Variants in PIP4K2A observed in about 807,000 individuals in gnomAD.
PIP4K2A encodes phosphatidylinositol-5-phosphate 4-kinase type 2 alpha, also known as phosphatidylinositol 5-phosphate 4-kinase type-2 alpha.
A neutral mutation model predicts 42.9 loss-of-function variants in PIP4K2A; 14 were observed. That is an observed-to-expected ratio of 0.33 (90% confidence interval 0.22 to 0.51). The LOEUF (loss-of-function observed/expected upper bound fraction) is 0.51, where lower values mean the gene tolerates loss of function less well. Ranked by LOEUF, PIP4K2A falls within the 20% of genes least tolerant of loss-of-function variation. The probability of loss-of-function intolerance (pLI) is 0.97; values close to 1 mark genes in which losing one functional copy is unlikely to be tolerated. For missense variants in PIP4K2A, 434 were observed against 519.8 expected (o/e 0.83, Z 1.61); for synonymous variants, 192 against 192.2 (o/e 1.00, Z 0.01).
chr10:22,665,272 A>T (rs2130845954), intron 1 of PIP4K2A, among the ~76,000 whole-genome samples: 1 of 152,348 alleles, frequency 6.6e-6, no homozygotes. Flanking sequence ...TTTGCGTTTT[A>T]AAAATATGAA....
intron 1 of PIP4K2A, among the ~76,000 whole-genome samples, chr10:22,624,030 G>A (rs1838386653): frequency 1.3e-5 from 2 of 152,160 alleles, no homozygotes; most frequent in South Asian, 4.1e-4. Flanking sequence ...TGTGCCTAGA[G>A]ATACCAGCTA....
intron 3 of PIP4K2A, among the ~76,000 whole-genome samples, chr10:22,604,626 A>C (rs968945504): frequency 6.6e-6 from 1 of 152,192 alleles, no homozygotes; most frequent in African/African-American, 2.4e-5. Context: ...GTTGGGAAAG[A>C]GTATTCAAAA....
At chr10:22,686,884 A>C (rs1388653816) in intron 1 of PIP4K2A, among the ~76,000 whole-genome samples, 1 of 152,178 alleles carries the variant, frequency 6.6e-6, no homozygotes, top group Non-Finnish European at 1.5e-5. Flanking sequence ...TGAATTTTTC[A>C]TGTCTGGAGA....
chr10:22,686,976 A>C (rs935719237), intron 1 of PIP4K2A, among the ~76,000 whole-genome samples: 2 of 152,156 alleles, frequency 1.3e-5, no homozygotes, highest in Non-Finnish European at 2.9e-5. Flanking sequence ...CCTGCTCCAC[A>C]GTTACTTAGC....
At chr10:22,665,191 T>C (rs1408570682) in intron 1 of PIP4K2A, among the ~76,000 whole-genome samples, 2 of 152,226 alleles carry the variant, frequency 1.3e-5, no homozygotes, top group African/African-American at 4.8e-5. Context: ...ACCTGTGACT[T>C]TCAAGCCTTA....
intron 1 of PIP4K2A, among the ~76,000 whole-genome samples, chr10:22,674,051 T>C (rs1213732008): frequency 6.6e-6 from 1 of 152,206 alleles, no homozygotes; most frequent in Non-Finnish European, 1.5e-5. Flanking sequence ...TTTAACCCCA[T>C]TGTCTTGGTT....
intron 1 of PIP4K2A, among the ~76,000 whole-genome samples, chr10:22,630,873 T>C (rs1170982614): frequency 6.6e-6 from 1 of 152,180 alleles, no homozygotes; most frequent in Non-Finnish European, 1.5e-5. Flanking sequence ...TCCATCATCA[T>C]CCACCCAATT....
chr10:22,539,242 G>T (rs1288681000), intron 9 of PIP4K2A, among the ~76,000 whole-genome samples: 1 of 152,188 alleles, frequency 6.6e-6, no homozygotes, highest in Non-Finnish European at 1.5e-5. Context: ...TTGCTACTAT[G>T]AGGCCCTGGC....
intron 1 of PIP4K2A, among the ~76,000 whole-genome samples, chr10:22,682,525 C>T (rs1418723017): frequency 1.3e-5 from 2 of 152,092 alleles, no homozygotes; most frequent in African/African-American, 4.8e-5. Context: ...GTAACAGTGT[C>T]CATGAACCTA....
intron 1 of PIP4K2A, among the ~76,000 whole-genome samples, chr10:22,610,771 C>T (rs575911481): frequency 2.0e-5 from 3 of 152,156 alleles, no homozygotes; most frequent in Non-Finnish European, 2.9e-5. Flanking sequence ...GGGAGCTCAA[C>T]AAAGGCTTCA....
rs1392027051 is a variant in PIP4K2A at position 22,602,419 on chromosome 10, AAAAG to A, written c.339+5504_339+5507del. Among the ~76,000 whole-genome samples the A allele has an allele frequency of 9.3e-5, 14 of 151,236 alleles. No individual in the cohort carries two copies. The East Asian group carries it at 2.5e-3, about 27-fold the overall frequency. On this transcript the variant is annotated intron_variant, in intron 3 of 9. Coordinates refer to ENST00000376573, the MANE Select transcript of PIP4K2A (RefSeq NM_005028.5). Reference sequence around the variant, plus strand: ...TAAAAAAAAAAAAAGAAAAGAAAAGAAAAGAAAGAAAGAAAAAGAAAAAAGAAAA... The same window carrying A: ...TAAAAAAAAAAAAAGAAAAGAAAAGAAAAGAAAGAAAAAGAAAAAAGAAAA...
chr10:22,546,492 G>A (rs911641767), intron 7 of PIP4K2A, among the ~76,000 whole-genome samples: 3 of 152,078 alleles, frequency 2.0e-5, no homozygotes, highest in African/African-American at 7.2e-5. Flanking sequence ...GCTCACTGAA[G>A]CCTCAAACTC....
chr10:22,596,882 T>A (rs1343241746), intron 3 of PIP4K2A, among the ~76,000 whole-genome samples: 1 of 152,240 alleles, frequency 6.6e-6, no homozygotes, highest in African/African-American at 2.4e-5. Flanking sequence ...CATCTCCCCC[T>A]GCCGTGCTGC....
chr10:22,702,578 T>C lies in PIP4K2A; in HGVS notation c.144+11605A>G, dbSNP rs547899079. Among the ~76,000 whole-genome samples, 3 of 152,326 alleles carry C rather than the reference T, an allele frequency of 2.0e-5. No homozygotes were observed. In the South Asian group the frequency reaches 6.2e-4, roughly 32 times the overall value. Reference sequence around the variant, plus strand: ...CAGTTCTTGCATGCTGCTGTAAACATAACCTCTTTCTTTGGCACTGGCTTG... The same window carrying C: ...CAGTTCTTGCATGCTGCTGTAAACACAACCTCTTTCTTTGGCACTGGCTTG... On this transcript the variant is annotated intron_variant, in intron 1 of 9. Coordinates refer to ENST00000376573, the MANE Select transcript of PIP4K2A (RefSeq NM_005028.5).
At chr10:22,672,241 G>A (rs1241244301) in intron 1 of PIP4K2A, among the ~76,000 whole-genome samples, 2 of 151,432 alleles carry the variant, frequency 1.3e-5, no homozygotes, top group East Asian at 1.9e-4. Flanking sequence ...CTGAAAACAA[G>A]GTTCCCTCTG....
intron 1 of PIP4K2A, among the ~76,000 whole-genome samples, chr10:22,611,436 C>G (rs1473115178): frequency 6.7e-6 from 1 of 150,082 alleles, no homozygotes; most frequent in African/African-American, 2.5e-5. Flanking sequence ...CAAAAAAAAG[C>G]AGAATACTCA....
chr10:22,631,068 C>T (rs1398803783), intron 1 of PIP4K2A, among the ~76,000 whole-genome samples: 4 of 152,300 alleles, frequency 2.6e-5, no homozygotes, highest in East Asian at 3.9e-4. Flanking sequence ...AGGCCACACA[C>T]GGTATACTAA....
intron 5 of PIP4K2A, among the ~76,000 whole-genome samples, chr10:22,568,559 A>C (rs1044660943): frequency 6.6e-6 from 1 of 152,198 alleles, no homozygotes; most frequent in Non-Finnish European, 1.5e-5. Context: ...GCAGAGGTAC[A>C]AAGTGGAGGA....
At chr10:22,629,889 T>A (rs753373879) in intron 1 of PIP4K2A, among the ~76,000 whole-genome samples, 2 of 152,196 alleles carry the variant, frequency 1.3e-5, no homozygotes, top group Non-Finnish European at 2.9e-5. Context: ...TTCTATAAGA[T>A]GTCTTCAAAA....
Sources: gnomAD v4.1 joint callset for allele counts (sites outside exome capture counted in the v4.1 genomes callset) on GRCh38, gnomAD v4.1.1 for gene constraint, MANE v1.5 for transcripts, NCBI Gene and HGNC (gene_info 2026-07-23, HGNC 2026-07-21) for gene names.